ARHGAP12: variants seen among roughly 807,000 people sequenced by gnomAD.
ARHGAP12 encodes Rho GTPase activating protein 12.
In ARHGAP12, 64 loss-of-function variants were observed where a neutral mutation model predicts 108.6. That is an observed-to-expected ratio of 0.59 (90% confidence interval 0.48 to 0.73). The LOEUF is 0.73. Ranked by LOEUF, ARHGAP12 falls within the 30% of genes least tolerant of loss-of-function variation. ARHGAP12 has a pLI of 0.00. For synonymous variants in ARHGAP12, 312 were observed against 337.2 expected (o/e 0.93, Z 0.82); for missense variants, 940 against 1,005.9 (o/e 0.93, Z 0.89).
intron 3 of ARHGAP12, among the ~76,000 whole-genome samples, chr10:31,878,555 A>AT (rs1837819799): frequency 1.3e-5 from 2 of 152,244 alleles, no homozygotes; most frequent in Non-Finnish European, 2.9e-5. Flanking sequence ...ATGAGGCAAA[A>AT]AGTGTAAAAA....
Position 31,908,509 on chromosome 10 carries a change from A to C in ARHGAP12, c.347T>G (p.Phe116Cys). ...NVNKLPELSS[F>C]GKPSSSVQGT... is the part of the protein sequence containing the mutation. ...TTGAACAGATGACGATGGCTTTCCGAAACTTGAAAGCTCAGGCAATTTGTT... is the reference window on the plus strand; with the variant it reads ...TTGAACAGATGACGATGGCTTTCCGCAACTTGAAAGCTCAGGCAATTTGTT... Residue 116 changes from phenylalanine to cysteine, a missense_variant, in exon 3 of 20, where the codon TTC becomes TGC. Transcript: ENST00000344936. 1.2e-6 allele frequency: 2 copies of C among 1,614,240 alleles called. No homozygotes were observed. The highest frequency in any genetic ancestry group is 1.1e-5 in the South Asian group (1 of 91,084).
intron 1 of ARHGAP12, among the ~76,000 whole-genome samples, chr10:31,916,126 C>A (rs1440211121): frequency 6.6e-6 from 1 of 152,138 alleles, no homozygotes; most frequent in East Asian, 1.9e-4. Context: ...GAAATGTATT[C>A]TATACTATAC....
rs144286068 is a variant in ARHGAP12, at chr10:31,885,081, T to C, written c.684+23091A>G. Among the ~76,000 whole-genome samples the C allele has an allele frequency of 3.2e-3, 482 of 152,194 alleles. 4 individuals carry two copies. Among genetic ancestry groups the C allele is most frequent in the Middle Eastern group, 3.4e-3 (1 of 294 alleles). ...GGGTGTCCATTCCCTCAAGCAAAAA[T>C]TGACAATTTTCTTTAAAGTGATAGG... is the stretch of plus-strand genomic sequence containing the variant. On this transcript the variant is annotated intron_variant, in intron 3 of 19. Transcript: ENST00000344936.
intron 4 of ARHGAP12, among the ~76,000 whole-genome samples, chr10:31,854,962 C>T (rs1836829726): frequency 7.0e-6 from 1 of 143,018 alleles, no homozygotes; most frequent in Non-Finnish European, 1.5e-5. Flanking sequence ...GACCTCATCT[C>T]CATTTTTATT....
At chr10:31,819,496 ACT>A (rs1373970031) in intron 12 of ARHGAP12, among the ~76,000 whole-genome samples, 6 of 152,134 alleles carry the variant, frequency 3.9e-5, no homozygotes, top group Admixed American at 1.3e-4. Context: ...TCTTCCCACA[ACT>A]CTGAATACTT....
intron 1 of ARHGAP12, among the ~76,000 whole-genome samples, chr10:31,922,428 G>A (rs1839864564): frequency 1.3e-5 from 2 of 149,232 alleles, no homozygotes; most frequent in Non-Finnish European, 3.0e-5. Context: ...TAAGAGACAG[G>A]GTCTTGCTCT....
intron 1 of ARHGAP12, among the ~76,000 whole-genome samples, chr10:31,916,412 G>T (rs1021446423): frequency 6.6e-6 from 1 of 151,418 alleles, no homozygotes; most frequent in Admixed American, 6.6e-5. Context: ...TTCCTATCAC[G>T]CTATTTTTTA....
chr10:31,924,230 A>C lies in ARHGAP12; in HGVS notation c.-111+4453T>G, dbSNP rs1237141949. 2.0e-5 allele frequency among the ~76,000 whole-genome samples: 3 copies of C among 152,376 alleles called. No individual in the cohort carries two copies. The East Asian group carries it at 5.8e-4, about 29-fold the overall frequency. ...TTTACCCAAGAGAAATGAAAACATA[A>C]GTCCACACAAAGGCCTTACATGAAC... is the stretch of plus-strand genomic sequence containing the variant. On this transcript the variant is annotated intron_variant, in intron 1 of 19. Coordinates refer to ENST00000344936, the MANE Select transcript of ARHGAP12 (RefSeq NM_018287.7).
intron 3 of ARHGAP12, among the ~76,000 whole-genome samples, chr10:31,884,769 AAT>A (rs1317709253): frequency 2.6e-5 from 4 of 152,194 alleles, no homozygotes; most frequent in African/African-American, 4.8e-5. Context: ...CAAAAACTTT[AAT>A]ATCACCACTG....
intron 1 of ARHGAP12, among the ~76,000 whole-genome samples, chr10:31,923,367 T>G (rs903821693): frequency 2.0e-5 from 3 of 152,172 alleles, no homozygotes; most frequent in Admixed American, 6.5e-5. Context: ...CTGGTGAGGA[T>G]GTAAAACTGA....
intron 6 of ARHGAP12, among the ~76,000 whole-genome samples, chr10:31,850,857 A>C (rs991702506): frequency 1.3e-5 from 2 of 152,208 alleles, no homozygotes; most frequent in Admixed American, 6.5e-5. Flanking sequence ...TATCTTCAGA[A>C]TCACATTCTA....
chr10:31,858,419 C>T (rs2132299160), intron 4 of ARHGAP12, among the ~76,000 whole-genome samples: 1 of 152,204 alleles, frequency 6.6e-6, no homozygotes, highest in African/African-American at 2.4e-5. Flanking sequence ...TATGCATAGA[C>T]TAACTACGCA....
At position 31,809,137 on chromosome 10, in the gene ARHGAP12, C is replaced by G; in HGVS notation, c.2129-9G>C. 1.9e-6 allele frequency: 3 copies of G among 1,613,136 alleles called. No individual in the cohort carries two copies. Among genetic ancestry groups the G allele is most frequent in the Non-Finnish European group, 2.5e-6 (3 of 1,179,586 alleles). ...CAAGTCCAATTTCTCATCTGAAAAA[C>G]AGCAGGAATTGGACATTTTAAAAAA... On this transcript the variant is annotated splice_polypyrimidine_tract_variant and intron_variant, in intron 17 of 19. Transcript: ENST00000344936.
chr10:31,887,605 C>T (rs185805630), intron 3 of ARHGAP12, among the ~76,000 whole-genome samples: 1 of 151,540 alleles, frequency 6.6e-6, no homozygotes, highest in Non-Finnish European at 1.5e-5. Flanking sequence ...GAGACAAAGA[C>T]ATGCACAAAC....
intron 6 of ARHGAP12, among the ~76,000 whole-genome samples, chr10:31,848,422 A>G (rs1836544021): frequency 6.6e-6 from 1 of 152,158 alleles, no homozygotes; most frequent in Non-Finnish European, 1.5e-5. Flanking sequence ...GTCTTCCTTC[A>G]ATTTTAGAAA....
chr10:31,920,449 CAAAAA>C (rs71027040), intron 1 of ARHGAP12, among the ~76,000 whole-genome samples: 49 of 59,600 alleles, frequency 8.2e-4, no homozygotes, highest in Admixed American at 1.4e-3. Flanking sequence ...GACTCCGTCT[CAAAAA>C]AAAAAAAAAA....
chr10:31,814,169 C>G, intron 14 of ARHGAP12, 90 bp downstream of exon 14: 2 of 994,144 alleles, frequency 2.0e-6, no homozygotes, highest in Admixed American at 3.8e-5. Flanking sequence ...ATTGGACATT[C>G]CATTCAGCTT....
In ARHGAP12 at chr10:31,808,726, A is replaced by T. The variant is rs760070815; in HGVS notation, c.2289T>A (p.Ala763=). ...ACTGTCTGATTAGGTCCTTAACAGC[A>T]GCGACTCGCTGTCTTGGTTCTTGCT... ...AIKQEPRQRV[A]AVKDLIRQLP... The change falls in exon 19 of 20, where the codon GCT becomes GCA. Residue 763 remains alanine (A), a synonymous_variant. Coordinates refer to ENST00000344936, the MANE Select transcript of ARHGAP12 (RefSeq NM_018287.7). 6.2e-7 allele frequency: 1 copy of T among 1,613,874 alleles called. No individual in the cohort carries two copies.
intron 10 of ARHGAP12, among the ~76,000 whole-genome samples, chr10:31,831,408 C>T (rs897903565): frequency 6.6e-6 from 1 of 151,938 alleles, no homozygotes; most frequent in African/African-American, 2.4e-5. Flanking sequence ...GAAGTAATGC[C>T]GGCTGGGGGA....
Sources: gnomAD v4.1 joint callset for allele counts (sites outside exome capture counted in the v4.1 genomes callset) on GRCh38, gnomAD v4.1.1 for gene constraint, MANE v1.5 for transcripts, NCBI Gene and HGNC (gene_info 2026-07-23, HGNC 2026-07-21) for gene names.